IL1RAPL1: variants seen among roughly 807,000 people sequenced by gnomAD.
The protein encoded by IL1RAPL1 is interleukin 1 receptor accessory protein like 1, also known as interleukin-1 receptor accessory protein-like 1.
A neutral mutation model predicts 48.4 loss-of-function variants in IL1RAPL1; 3 were observed. The observed-to-expected ratio is 0.06, with a 90% CI of 0.03 to 0.16. The LOEUF is 0.16. IL1RAPL1 is among the 10% of genes least tolerant of loss of function. The pLI, the probability that IL1RAPL1 is intolerant of heterozygous loss-of-function variation, is 1.00. For synonymous variants in IL1RAPL1, 185 were observed against 187.7 expected (o/e 0.99, Z 0.12); for missense variants, 349 against 530.6 (o/e 0.66, Z 3.36).
intron 5 of IL1RAPL1, among the ~76,000 whole-genome samples, chrX:29,630,563 G>C (rs1924742865): frequency 1.9e-5 from 2 of 104,242 alleles, no homozygotes; most frequent in Non-Finnish European, 3.9e-5. Flanking sequence ...TTTTGAGACA[G>C]AGTCTTGCTG....
intron 6 of IL1RAPL1, among the ~76,000 whole-genome samples, chrX:29,802,206 T>C (rs1480412079): frequency 2.7e-5 from 3 of 111,919 alleles, no homozygotes; most frequent in Non-Finnish European, 3.8e-5. Flanking sequence ...GTAGCTAGCC[T>C]CTAGTAGAAT....
intron 3 of IL1RAPL1, among the ~76,000 whole-genome samples, chrX:29,382,600 T>C (rs925585563): frequency 3.6e-5 from 4 of 112,274 alleles, no homozygotes; most frequent in African/African-American, 1.3e-4. Flanking sequence ...AGTTCTAGAA[T>C]CCCCTTGGTG....
At position 29,467,446 on chromosome X, in the gene IL1RAPL1, C is replaced by T. The variant is rs192027471; in HGVS notation, c.703+68138C>T. 7.3e-3 allele frequency among the ~76,000 whole-genome samples: 822 copies of T among 112,433 alleles called. 10 individuals are homozygous for T. The highest frequency in any genetic ancestry group is 0.025 in the African/African-American group (782 of 30,959). On this transcript the variant is annotated intron_variant, in intron 5 of 10. Transcript: ENST00000378993. The stretch of plus-strand genomic sequence containing the variant: ...TTGAGACTAGATATTTCCCTTGACC[C>T]CTTAGTGGGACTTGCGAAGGGGTCG...
chrX:28,621,618 C>T (rs1249612256), intron 1 of IL1RAPL1, among the ~76,000 whole-genome samples: 2 of 111,703 alleles, frequency 1.8e-5, no homozygotes, highest in Non-Finnish European at 3.8e-5. Context: ...TCTTTGACAC[C>T]TGTATCTTAA....
At chrX:29,063,952 A>G (rs150402007) in intron 2 of IL1RAPL1, among the ~76,000 whole-genome samples, 1,781 of 111,869 alleles carry the variant, frequency 0.016, 39 homozygotes, top group African/African-American at 0.055. Context: ...TGGACCCACT[A>G]ACACAATCAG....
Position 29,192,923 on chromosome X carries a change from A to G in IL1RAPL1, c.83-90015A>G, listed in dbSNP as rs1182955233. ...AGAACAGTTAATATGTTAAATGTTCATAATATTAACAATAGCGTTTTAAGC... is the reference window on the plus strand; with the variant it reads ...AGAACAGTTAATATGTTAAATGTTCGTAATATTAACAATAGCGTTTTAAGC... On this transcript the variant is annotated intron_variant, in intron 2 of 10. Transcript: ENST00000378993. Among the ~76,000 whole-genome samples, 5 of 111,338 alleles carry G rather than the reference A, an allele frequency of 4.5e-5. 1 individual carries two copies. Among genetic ancestry groups the G allele is most frequent in the South Asian group, 7.4e-4 (2 of 2,697 alleles).
intron 5 of IL1RAPL1, among the ~76,000 whole-genome samples, chrX:29,583,813 A>G (rs1272515470): frequency 9.0e-6 from 1 of 111,052 alleles, no homozygotes; most frequent in Non-Finnish European, 1.9e-5. Flanking sequence ...ACCTGACTTC[A>G]AAGATAGCAT....
At chrX:29,447,255 C>T (rs1333667262) in intron 5 of IL1RAPL1, among the ~76,000 whole-genome samples, 1 of 110,003 alleles carries the variant, frequency 9.1e-6, no homozygotes, top group African/African-American at 3.3e-5. Flanking sequence ...ATAGAATTTC[C>T]AGTTGATTAG....
intron 2 of IL1RAPL1, among the ~76,000 whole-genome samples, chrX:28,969,848 T>C (rs373277212): frequency 3.4e-4 from 29 of 85,130 alleles, no homozygotes; most frequent in East Asian, 1.4e-3. Flanking sequence ...TTTCTAAACA[T>C]ATATGTTTCT....
intron 2 of IL1RAPL1, among the ~76,000 whole-genome samples, chrX:29,122,447 A>ACACC (rs1928812369): frequency 2.9e-5 from 2 of 69,189 alleles, no homozygotes; most frequent in Non-Finnish European, 2.6e-5. Flanking sequence ...ACACACACAC[A>ACACC]CTCGCCCCCC....
chrX:29,188,705 G>T (rs1930298905), intron 2 of IL1RAPL1, among the ~76,000 whole-genome samples: 1 of 107,508 alleles, frequency 9.3e-6, no homozygotes, highest in African/African-American at 3.4e-5. Flanking sequence ...TCCTGCCTCG[G>T]CCTCCCAAGT....
chrX:29,527,484 C>T (rs1415386417), intron 5 of IL1RAPL1, among the ~76,000 whole-genome samples: 2 of 107,470 alleles, frequency 1.9e-5, no homozygotes, highest in Admixed American at 1.0e-4. Context: ...ATTACAGGCA[C>T]GTGCCACCAC....
intron 6 of IL1RAPL1, among the ~76,000 whole-genome samples, chrX:29,894,375 G>A (rs1045769090): frequency 1.8e-5 from 2 of 112,277 alleles, no homozygotes; most frequent in Non-Finnish European, 3.8e-5. Context: ...AGAAAAAATT[G>A]TAAAATGTGT....
At chrX:29,148,882 A>G (rs1258024353) in intron 2 of IL1RAPL1, among the ~76,000 whole-genome samples, 1 of 111,637 alleles carries the variant, frequency 9.0e-6, no homozygotes, top group Non-Finnish European at 1.9e-5. Flanking sequence ...CAACGTACCC[A>G]GATAATACCA....
intron 2 of IL1RAPL1, among the ~76,000 whole-genome samples, chrX:28,901,778 C>T (rs1923081048): frequency 8.9e-6 from 1 of 111,863 alleles, no homozygotes; most frequent in South Asian, 3.7e-4. Flanking sequence ...AGTAGGATAG[C>T]GATTTCCATC....
intron 3 of IL1RAPL1, among the ~76,000 whole-genome samples, chrX:29,318,450 A>G (rs756813555): frequency 8.9e-6 from 1 of 112,557 alleles, no homozygotes; most frequent in African/African-American, 3.2e-5. Context: ...AAACCTGCCT[A>G]TATCTGATAA....
chrX:29,473,627 A>G lies in IL1RAPL1; in HGVS notation c.703+74319A>G, dbSNP rs1416894389. Among the ~76,000 whole-genome samples, 3 of 77,954 alleles carry G rather than the reference A, an allele frequency of 3.8e-5. No homozygotes were observed. In the East Asian group the frequency reaches 1.5e-3, roughly 39 times the overall value. The allele number at this position is 77,954 out of a possible 115,157, so 67.7% of individuals were successfully genotyped here. ...CCCACGACCCCTCAGAACACAGGCC[A>G]TTTTGCATGGCTTATTTCTGTTCAT... is the stretch of plus-strand genomic sequence containing the variant. On this transcript the variant is annotated intron_variant, in intron 5 of 10. Coordinates refer to ENST00000378993, the MANE Select transcript of IL1RAPL1 (RefSeq NM_014271.4).
At chrX:28,696,886 T>C (rs751490420) in intron 1 of IL1RAPL1, among the ~76,000 whole-genome samples, 36 of 111,571 alleles carry the variant, frequency 3.2e-4, no homozygotes, top group Non-Finnish European at 6.0e-4. Context: ...ATTACAAATA[T>C]TGCTGCAGTA....
intron 2 of IL1RAPL1, among the ~76,000 whole-genome samples, chrX:28,843,628 G>T (rs1432694119): frequency 8.9e-6 from 1 of 112,099 alleles, no homozygotes; most frequent in African/African-American, 3.2e-5. Context: ...TTTGGATTTT[G>T]TAAAAACAAT....
Sources: allele counts gnomAD v4.1 joint callset (sites outside exome capture counted in the v4.1 genomes callset), GRCh38; gene constraint gnomAD v4.1.1; transcripts MANE v1.5; gene names NCBI Gene and HGNC (gene_info 2026-07-23, HGNC 2026-07-21).